NTM: variants seen among roughly 807,000 people sequenced by gnomAD.
NTM encodes IgLON family member 2.
In NTM, 13 loss-of-function variants were observed where a neutral mutation model predicts 42.1. That is an observed-to-expected ratio of 0.31 (90% CI 0.20 to 0.49). The LOEUF (loss-of-function observed/expected upper bound fraction) is 0.49, where lower values mean the gene tolerates loss of function less well. Among genes scored for constraint, NTM ranks in the 20% least tolerant of loss-of-function variants. NTM has a pLI of 0.99. For missense variants in NTM, 373 were observed against 452.8 expected (o/e 0.82, Z 1.60); for synonymous variants, 187 against 179.2 (o/e 1.04, Z -0.35).
At chr11:131,602,467 G>A (rs1328341796) in intron 1 of NTM, among the ~76,000 whole-genome samples, 4 of 152,118 alleles carry the variant, frequency 2.6e-5, no homozygotes, top group South Asian at 2.1e-4. Context: ...CAGAAGACTG[G>A]TTGTACTTAA....
chr11:131,999,019 A>T (rs534153740), intron 2 of NTM, among the ~76,000 whole-genome samples: 5 of 152,264 alleles, frequency 3.3e-5, no homozygotes, highest in Admixed American at 3.3e-4. Context: ...CCAGATCCAG[A>T]ATCACTCAGC....
At chr11:131,972,042 C>CAGAAAAAAAAA (rs2063618582) in intron 2 of NTM, among the ~76,000 whole-genome samples, 2 of 57,840 alleles carry the variant, frequency 3.5e-5, no homozygotes, top group South Asian at 7.5e-4. Flanking sequence ...GACTCCGTCT[C>CAGAAAAAAAAA]AAAAAAAAAA....
chr11:131,416,287 A>G lies in NTM; in HGVS notation c.82+45399A>G, dbSNP rs1023781585. On this transcript the variant is annotated intron_variant, in intron 1 of 8. Coordinates refer to ENST00000683400, the MANE Select transcript of NTM (RefSeq NM_001352005.2). ...AAACCCCTTTCTATGTTGGTAAGAA[A>G]ACCAGGGGGAGAGAGGAACTAGAGG... Among the ~76,000 whole-genome samples, 19 of 152,154 alleles carry G rather than the reference A, an allele frequency of 1.2e-4. 1 individual carries two copies. Among genetic ancestry groups the G allele is most frequent in the African/African-American group, 4.6e-4 (19 of 41,420 alleles).
At chr11:131,873,662 TACACATATATATATAC>T (rs1342376062) in intron 1 of NTM, among the ~76,000 whole-genome samples, 3 of 117,760 alleles carry the variant, frequency 2.5e-5, no homozygotes, top group Non-Finnish European at 5.4e-5. Context: ...CACATATATA[TACACATATATATATAC>T]ACACATATAT....
intron 1 of NTM, among the ~76,000 whole-genome samples, chr11:131,589,775 G>A (rs117159094): frequency 0.014 from 2,177 of 152,258 alleles, 44 homozygotes; most frequent in Non-Finnish European, 0.018. Context: ...CTGCTGAGGA[G>A]ATGAAAGCAA....
chr11:131,598,598 C>T (rs2060017976), intron 1 of NTM, among the ~76,000 whole-genome samples: 1 of 152,164 alleles, frequency 6.6e-6, no homozygotes, highest in East Asian at 1.9e-4. Context: ...ATGGGAACTC[C>T]ACCACCTCAA....
rs1295751931 is a variant in NTM, at chr11:131,726,746, C to A, written c.83-184818C>A. Among the ~76,000 whole-genome samples the A allele has an allele frequency of 2.6e-5, 4 of 151,212 alleles. 1 individual carries two copies. The highest frequency in any genetic ancestry group is 9.9e-5 in the African/African-American group (4 of 40,480). On this transcript the variant is annotated intron_variant, in intron 1 of 8. Coordinates refer to ENST00000683400, the MANE Select transcript of NTM (RefSeq NM_001352005.2). ...GTTTTGTTTTTGAGACAGAGTCTTG[C>A]TTGGTCATCAAGGCTGGAGTGCAGT... is the stretch of plus-strand genomic sequence containing the variant.
At chr11:132,067,043 C>T (rs999133270) in intron 2 of NTM, among the ~76,000 whole-genome samples, 3 of 152,186 alleles carry the variant, frequency 2.0e-5, no homozygotes, top group Non-Finnish European at 2.9e-5. Flanking sequence ...CAGCCTTGAC[C>T]TCCTAGGCTC....
intron 1 of NTM, among the ~76,000 whole-genome samples, chr11:131,423,653 G>A (rs2135848131): frequency 6.6e-6 from 1 of 152,304 alleles, no homozygotes; most frequent in East Asian, 1.9e-4. Context: ...AAAGATGTTT[G>A]TTGCTGACAG....
chr11:132,140,521 C>T (rs2068877665), intron 2 of NTM, among the ~76,000 whole-genome samples: 1 of 152,136 alleles, frequency 6.6e-6, no homozygotes, highest in African/African-American at 2.4e-5. Context: ...TTTTGTCTCT[C>T]TATGACCCAG....
At chr11:131,718,388 G>A (rs1565463587) in intron 1 of NTM, among the ~76,000 whole-genome samples, 1 of 152,090 alleles carries the variant, frequency 6.6e-6, no homozygotes, top group Non-Finnish European at 1.5e-5. Flanking sequence ...AATGTGTTTT[G>A]GCTCTTGCTC....
chr11:132,282,035 A>G (rs901679284), intron 4 of NTM, among the ~76,000 whole-genome samples: 1 of 152,212 alleles, frequency 6.6e-6, no homozygotes, highest in Non-Finnish European at 1.5e-5. Flanking sequence ...AAATGCTGCC[A>G]GGCCTTTATG....
At chr11:131,767,887 C>A (rs970644320) in intron 1 of NTM, among the ~76,000 whole-genome samples, 1 of 152,064 alleles carries the variant, frequency 6.6e-6, no homozygotes. Flanking sequence ...AAATCCACCT[C>A]CCGATGGGTC....
intron 1 of NTM, among the ~76,000 whole-genome samples, chr11:131,507,610 T>G (rs1168514765): frequency 2.9e-4 from 44 of 150,346 alleles, no homozygotes; most frequent in Middle Eastern, 3.5e-3. Flanking sequence ...ATTGGTAGCT[T>G]GATGGGGATG....
chr11:131,844,469 C>T (rs1327181174), intron 1 of NTM, among the ~76,000 whole-genome samples: 1 of 152,250 alleles, frequency 6.6e-6, no homozygotes, highest in East Asian at 1.9e-4. Flanking sequence ...CTTTGTTCAT[C>T]GCTCTAAAAT....
At chr11:131,767,951 A>G (rs921269482) in intron 1 of NTM, among the ~76,000 whole-genome samples, 1 of 151,982 alleles carries the variant, frequency 6.6e-6, no homozygotes, top group African/African-American at 2.4e-5. Context: ...GGGTGATGAG[A>G]GGTCATGTGT....
chr11:131,491,910 C>A (rs1432450762), intron 1 of NTM, among the ~76,000 whole-genome samples: 1 of 152,190 alleles, frequency 6.6e-6, no homozygotes, highest in Non-Finnish European at 1.5e-5. Context: ...TAACATAACT[C>A]ATTTTCCTGA....
At chr11:132,044,799 G>T (rs1355663548) in intron 2 of NTM, among the ~76,000 whole-genome samples, 1 of 152,014 alleles carries the variant, frequency 6.6e-6, no homozygotes, top group Non-Finnish European at 1.5e-5. Flanking sequence ...ATAAATTCCT[G>T]GACACAGGCA....
intron 1 of NTM, among the ~76,000 whole-genome samples, chr11:131,884,005 T>C (rs1175827965): frequency 1.3e-5 from 2 of 152,192 alleles, no homozygotes; most frequent in Non-Finnish European, 2.9e-5. Flanking sequence ...TACTGAATCC[T>C]TAATAGGTGA....
Sources: gnomAD v4.1 joint callset for allele counts (sites outside exome capture counted in the v4.1 genomes callset) on GRCh38, gnomAD v4.1.1 for gene constraint, MANE v1.5 for transcripts, NCBI Gene and HGNC (gene_info 2026-07-23, HGNC 2026-07-21) for gene names.